TDRP: variants seen among roughly 807,000 people sequenced by gnomAD.
The protein encoded by TDRP is testis development-related protein.
Under a neutral mutation model 10.5 loss-of-function variants are expected in TDRP, and 12 were observed. The observed-to-expected ratio is 1.15, with a 90% CI of 0.73 to 1.86. The LOEUF is 1.86. TDRP is among the 40% of genes most tolerant of loss of function. The pLI is 0.00. For synonymous variants in TDRP, 139 were observed against 95.4 expected (o/e 1.46, Z -2.67); for missense variants, 353 against 229.2 (o/e 1.54, Z -3.49).
intron 1 of TDRP, among the ~76,000 whole-genome samples, chr8:541,209 C>A (rs1055340980): frequency 1.3e-5 from 2 of 152,150 alleles, no homozygotes; most frequent in Non-Finnish European, 1.5e-5. Flanking sequence ...TAGAATAAGA[C>A]TAATCTGTCA....
intron 1 of TDRP, among the ~76,000 whole-genome samples, chr8:536,415 T>A (rs1357178249): frequency 6.6e-6 from 1 of 152,236 alleles, no homozygotes; most frequent in Non-Finnish European, 1.5e-5. Flanking sequence ...TTATTCAAAT[T>A]TCAAGTTAAA....
intron 1 of TDRP, among the ~76,000 whole-genome samples, chr8:522,457 ACT>A (rs1281559305): frequency 8.6e-5 from 13 of 152,020 alleles, no homozygotes; most frequent in African/African-American, 2.7e-4. Context: ...CATTGTGAAG[ACT>A]CTGTTTCTCT....
chr8:536,217 T>C (rs925300646), intron 1 of TDRP, among the ~76,000 whole-genome samples: 1 of 152,204 alleles, frequency 6.6e-6, no homozygotes, highest in African/African-American at 2.4e-5. Flanking sequence ...TTGAGACACC[T>C]GGAATTTACC....
At chr8:505,893 A>C (rs185175238) in intron 1 of TDRP, among the ~76,000 whole-genome samples, 25 of 152,274 alleles carry the variant, frequency 1.6e-4, no homozygotes, top group Middle Eastern at 3.4e-3. Context: ...AATCACACCC[A>C]AAGTCGGCAC....
chr8:517,535 G>A (rs1471471772), intron 1 of TDRP, among the ~76,000 whole-genome samples: 1 of 152,178 alleles, frequency 6.6e-6, no homozygotes, highest in Non-Finnish European at 1.5e-5. Flanking sequence ...TTCAGGCAGA[G>A]CTTAACCCTT....
chr8:545,157 C>A (rs1392656678), upstream of TDRP, among the ~76,000 whole-genome samples: 1 of 145,832 alleles, frequency 6.9e-6, no homozygotes, highest in Non-Finnish European at 1.5e-5. Context: ...GTGGTCCCCG[C>A]CACCGCCCCG....
At chr8:515,200 C>T (rs1160196515) in intron 1 of TDRP, among the ~76,000 whole-genome samples, 1 of 152,168 alleles carries the variant, frequency 6.6e-6, no homozygotes, top group Non-Finnish European at 1.5e-5. Flanking sequence ...CTGATAGGTT[C>T]TCTTCCCCTC....
intron 1 of TDRP, among the ~76,000 whole-genome samples, chr8:503,604 C>A (rs749104283): frequency 2.4e-4 from 35 of 147,864 alleles, no homozygotes; most frequent in Non-Finnish European, 5.0e-4. Flanking sequence ...CCTGTACCCA[C>A]CTCAGCACGC....
intron 1 of TDRP, among the ~76,000 whole-genome samples, chr8:499,721 G>A (rs754535110): frequency 6.6e-6 from 1 of 152,216 alleles, no homozygotes; most frequent in Non-Finnish European, 1.5e-5. Context: ...GTCTTCACCT[G>A]AAGTCTCCCA....
At chr8:501,224 A>T (rs903048841) in intron 1 of TDRP, among the ~76,000 whole-genome samples, 1 of 151,988 alleles carries the variant, frequency 6.6e-6, no homozygotes, top group African/African-American at 2.4e-5. Flanking sequence ...AAACAAACAA[A>T]AAAAACATGA....
intron 1 of TDRP, among the ~76,000 whole-genome samples, chr8:534,321 TAAGGGAAACAC>T (rs1802287691): frequency 6.6e-6 from 1 of 152,238 alleles, no homozygotes; most frequent in East Asian, 1.9e-4. Flanking sequence ...TTATTGCTGT[TAAGGGAAACAC>T]AAGGCTAGGG....
intron 1 of TDRP, among the ~76,000 whole-genome samples, chr8:513,529 A>G (rs1801673625): frequency 6.6e-6 from 1 of 152,238 alleles, no homozygotes; most frequent in Admixed American, 6.5e-5. Flanking sequence ...TGTCTATGAA[A>G]ATATCTCAGC....
At chr8:531,939 G>T (rs1802210620) in intron 1 of TDRP, among the ~76,000 whole-genome samples, 1 of 152,294 alleles carries the variant, frequency 6.6e-6, no homozygotes, top group South Asian at 2.1e-4. Context: ...TCTGACAGTG[G>T]GCCCTGCGGT....
At chr8:532,691 T>A (rs550604914) in intron 1 of TDRP, among the ~76,000 whole-genome samples, 1 of 152,366 alleles carries the variant, frequency 6.6e-6, no homozygotes, top group South Asian at 2.1e-4. Flanking sequence ...TTCCTATTTT[T>A]ACCCTAAATC....
At chr8:524,119 G>A (rs571705990) in intron 1 of TDRP, among the ~76,000 whole-genome samples, 30 of 152,264 alleles carry the variant, frequency 2.0e-4, no homozygotes, top group East Asian at 1.4e-3. Flanking sequence ...CCATTTGTTC[G>A]GGAGAAAGTA....
At chr8:517,024 G>C (rs935855146) in intron 1 of TDRP, among the ~76,000 whole-genome samples, 5 of 152,176 alleles carry the variant, frequency 3.3e-5, no homozygotes, top group Non-Finnish European at 7.3e-5. Context: ...AATGGACTCT[G>C]CTCTTGGAGG....
intron 2 of TDRP, among the ~76,000 whole-genome samples, chr8:493,436 C>A (rs1256310893): frequency 6.6e-6 from 1 of 152,248 alleles, no homozygotes. Flanking sequence ...AGTCACAGCT[C>A]CGCCAGAGCA....
At chr8:513,012 C>G (rs1327770132) in intron 1 of TDRP, among the ~76,000 whole-genome samples, 1 of 149,906 alleles carries the variant, frequency 6.7e-6, no homozygotes, top group African/African-American at 2.5e-5. Context: ...AATTAGTAAT[C>G]AAAAGGCTAC....
At chr8:536,216 C>A (rs979378416) in intron 1 of TDRP, among the ~76,000 whole-genome samples, 2 of 152,158 alleles carry the variant, frequency 1.3e-5, no homozygotes, top group Non-Finnish European at 2.9e-5. Flanking sequence ...GTTGAGACAC[C>A]TGGAATTTAC....
Sources: allele counts gnomAD v4.1 joint callset (sites outside exome capture counted in the v4.1 genomes callset), GRCh38; gene constraint gnomAD v4.1.1; transcripts MANE v1.5; gene names NCBI Gene and HGNC (gene_info 2026-07-23, HGNC 2026-07-21).